ITGAM: variants seen among roughly 807,000 people sequenced by gnomAD.
ITGAM encodes integrin alpha-M.
Under a neutral mutation model 137.5 loss-of-function variants are expected in ITGAM, and 79 were observed. The observed-to-expected ratio is 0.57, with a 90% CI of 0.48 to 0.69. The LOEUF (loss-of-function observed/expected upper bound fraction) is 0.69. Ranked by LOEUF, ITGAM falls within the 30% of genes least tolerant of loss-of-function variation. The probability of loss-of-function intolerance (pLI) is 0.00; values close to 1 mark genes in which losing one functional copy is unlikely to be tolerated. For missense variants in ITGAM, 1,343 were observed against 1,483.5 expected (o/e 0.91, Z 1.56); for synonymous variants, 583 against 592.3 (o/e 0.98, Z 0.23).
At chr16:31,280,374 G>C (rs2079955468) in intron 12 of ITGAM, among the ~76,000 whole-genome samples, 1 of 152,176 alleles carries the variant, frequency 6.6e-6, no homozygotes, top group Non-Finnish European at 1.5e-5. Context: ...CATGAGCATG[G>C]AATGTTCTTC....
intron 12 of ITGAM, among the ~76,000 whole-genome samples, chr16:31,288,615 G>T (rs1450308600): frequency 6.6e-6 from 1 of 152,082 alleles, no homozygotes; most frequent in East Asian, 1.9e-4. Context: ...ATTCAAGATG[G>T]ATTAAAAGCT....
At chr16:31,302,458 C>CCTTTCTTTCTTTCTTT (rs143099983) in intron 14 of ITGAM, among the ~76,000 whole-genome samples, 35 of 111,968 alleles carry the variant, frequency 3.1e-4, no homozygotes, top group Non-Finnish European at 5.9e-4. Context: ...TTTCTTCCTT[C>CCTTTCTTTCTTTCTTT]CTTTCTTTCT....
chr16:31,260,953 C>T (rs1420504066), intron 1 of ITGAM, among the ~76,000 whole-genome samples: 1 of 152,204 alleles, frequency 6.6e-6, no homozygotes, highest in Non-Finnish European at 1.5e-5. Context: ...TTTGAAATTT[C>T]CCTAATGACA....
intron 28 of ITGAM, among the ~76,000 whole-genome samples, chr16:31,330,882 GAGAT>G (rs1429304379): frequency 4.4e-5 from 6 of 136,484 alleles, no homozygotes; most frequent in Admixed American, 4.3e-4. Context: ...GATAGACAGA[GAGAT>G]AGAGATAAAG....
At chr16:31,305,865 T>C (rs1436929081) in intron 14 of ITGAM, among the ~76,000 whole-genome samples, 2 of 152,192 alleles carry the variant, frequency 1.3e-5, no homozygotes, top group Non-Finnish European at 2.9e-5. Context: ...TTTGGTTAGC[T>C]AGTATTTTGT....
At chr16:31,260,670 C>T (rs1549298) in intron 1 of ITGAM, among the ~76,000 whole-genome samples, 8,373 of 152,154 alleles carry the variant, frequency 0.055, 788 homozygotes, top group African/African-American at 0.19. Context: ...GTTGTGACAC[C>T]GGGGGAAGAA....
In ITGAM at chr16:31,324,379, G is replaced by A. The variant is rs755422597; in HGVS notation, c.2003-20G>A. 1.9e-6 allele frequency: 3 copies of A among 1,550,920 alleles called. No individual in the cohort carries two copies. Among genetic ancestry groups the A allele is most frequent in the African/African-American group, 1.4e-5 (1 of 73,172 alleles). On this transcript the variant is annotated intron_variant, in intron 16 of 29. Coordinates refer to ENST00000544665, the MANE Select transcript of ITGAM (RefSeq NM_000632.4). This position sits in a 1 kb window ranked among gnomAD's most constrained non-coding sequence, Gnocchi z 4.5. ...TCCGAGGCTCAGGCCCCTCACTGCT[G>A]TGCCACCCTGTCCCTTCAGGACAGA...
In ITGAM at chr16:31,325,536, G is replaced by T; in HGVS notation, c.2542G>T (p.Glu848Ter). Residue 848 changes from glutamate (E) to a stop codon, truncating the protein, a stop_gained, in exon 21 of 30, where the codon GAG (glutamate) becomes TAG (stop). Transcript: ENST00000544665. LOFTEE classifies it high-confidence loss of function. Reference protein sequence around the residue: ...RSQRSWRLACESASSTEVSGA... With the variant: ...RSQRSWRLAC ...ACAGCGATCCTGGCGCCTGGCCTGTGAGTCTGCCTCCTCCACCGAAGTGTC... is the reference window on the plus strand; with the variant it reads ...ACAGCGATCCTGGCGCCTGGCCTGTTAGTCTGCCTCCTCCACCGAAGTGTC... 1 of 1,613,926 alleles carries T rather than the reference G, an allele frequency of 6.2e-7. No individual in the cohort carries two copies. The highest frequency in any genetic ancestry group is 8.5e-7 in the Non-Finnish European group (1 of 1,179,868).
chr16:31,290,248 G>T (rs1254885549), intron 12 of ITGAM, among the ~76,000 whole-genome samples: 1 of 152,066 alleles, frequency 6.6e-6, no homozygotes, highest in East Asian at 1.9e-4. Context: ...GGGGCTGGGG[G>T]TTGGACTGGG....
At position 31,269,276 on chromosome 16, in the gene ITGAM, C is replaced by T. The variant is rs149895683; in HGVS notation, c.428-1678C>T. 8.2e-3 allele frequency among the ~76,000 whole-genome samples: 1,250 copies of T among 152,226 alleles called. 8 individuals carry two copies. The highest frequency in any genetic ancestry group is 0.014 in the Non-Finnish European group (945 of 68,020). On this transcript the variant is annotated intron_variant, in intron 5 of 29. Coordinates refer to ENST00000544665, the MANE Select transcript of ITGAM (RefSeq NM_000632.4). ...ATATCTCAAGCACTGATTTTAGGAGCAGTTTAGGGAGGGTCAGAATCTTGT... is the reference window on the plus strand; with the variant it reads ...ATATCTCAAGCACTGATTTTAGGAGTAGTTTAGGGAGGGTCAGAATCTTGT...
At chr16:31,320,186 ATCATGG>A (rs2080434637) in intron 14 of ITGAM, among the ~76,000 whole-genome samples, 2 of 152,272 alleles carry the variant, frequency 1.3e-5, no homozygotes, top group South Asian at 4.1e-4. Context: ...TCTCATAATT[ATCATGG>A]TCTATTTTAA....
intron 2 of ITGAM, among the ~76,000 whole-genome samples, chr16:31,262,957 A>C (rs2079721893): frequency 6.6e-6 from 1 of 151,770 alleles, no homozygotes; most frequent in Admixed American, 6.6e-5. Flanking sequence ...ATTTTATTTT[A>C]TTTTTTTAGA....
intron 5 of ITGAM, among the ~76,000 whole-genome samples, chr16:31,270,695 G>GTGTGTGT (rs2079823208): frequency 4.2e-5 from 1 of 23,620 alleles, no homozygotes; most frequent in Non-Finnish European, 7.8e-5. Flanking sequence ...TAACGTGTGT[G>GTGTGTGT]TGTGTATATA....
intron 5 of ITGAM, among the ~76,000 whole-genome samples, chr16:31,270,730 T>TTGCGG (rs2079826752): frequency 8.9e-6 from 1 of 112,138 alleles, no homozygotes; most frequent in Non-Finnish European, 1.8e-5. Flanking sequence ...TATATATATA[T>TTGCGG]ATATATATAT....
At chr16:31,300,473 A>G (rs569238405) in intron 14 of ITGAM, among the ~76,000 whole-genome samples, 2 of 152,324 alleles carry the variant, frequency 1.3e-5, no homozygotes, top group African/African-American at 4.8e-5. Context: ...TAGCCAGGCT[A>G]GCAGGTGTGC....
chr16:31,262,408 C>A (rs1167019032), intron 2 of ITGAM, among the ~76,000 whole-genome samples: 2 of 134,464 alleles, frequency 1.5e-5, no homozygotes, highest in African/African-American at 5.5e-5. Flanking sequence ...TCCTTCATTT[C>A]TTTCTTTCCT....
chr16:31,303,187 C>A (rs1156565904), intron 14 of ITGAM, among the ~76,000 whole-genome samples: 1 of 151,580 alleles, frequency 6.6e-6, no homozygotes, highest in African/African-American at 2.4e-5. Context: ...TGTGCACCCC[C>A]ACGCTTGGCT....
intron 8 of ITGAM, among the ~76,000 whole-genome samples, chr16:31,274,777 G>A (rs964327584): frequency 1.3e-5 from 2 of 151,908 alleles, no homozygotes; most frequent in Non-Finnish European, 2.9e-5. Context: ...ACCATGCCTG[G>A]CTAATTTTTG....
At chr16:31,322,268 G>A (rs1738674763) in intron 16 of ITGAM, among the ~76,000 whole-genome samples, 1 of 152,124 alleles carries the variant, frequency 6.6e-6, no homozygotes. Context: ...GCCAGCCTGG[G>A]CAACATAGCA....
Sources: gnomAD v4.1 joint callset for allele counts (sites outside exome capture counted in the v4.1 genomes callset) on GRCh38, gnomAD v4.1.1 for gene constraint, Gnocchi (gnomAD v3.1) non-coding constraint, MANE v1.5 for transcripts, NCBI Gene and HGNC (gene_info 2026-07-23, HGNC 2026-07-21) for gene names.